The following NRXN3 variants were observed in gnomAD, a reference collection of about 807,000 sequenced individuals.
NRXN3 encodes the protein neurexin III.
NRXN3 carries 32 observed loss-of-function variants against 137.6 expected under a neutral mutation model. The ratio of observed to expected loss-of-function variants is 0.23; its 90% confidence interval spans 0.18 to 0.31. NRXN3 has a LOEUF of 0.31. Ranked by LOEUF, NRXN3 falls within the 10% of genes least tolerant of loss-of-function variation. NRXN3 has a pLI of 1.00. For synonymous variants in NRXN3, 798 were observed against 784.5 expected (o/e 1.02, Z -0.29); for missense variants, 1,574 against 2,062.5 (o/e 0.76, Z 4.59).
intron 9 of NRXN3, among the ~76,000 whole-genome samples, chr14:78,809,138 T>G (rs2098895134): frequency 6.6e-6 from 1 of 152,090 alleles, no homozygotes; most frequent in Admixed American, 6.6e-5. Flanking sequence ...ACTCAAGGAC[T>G]TCTATGTTGT....
intron 15 of NRXN3, among the ~76,000 whole-genome samples, chr14:79,061,469 C>T (rs141465669): frequency 6.6e-6 from 1 of 152,084 alleles, no homozygotes; most frequent in Admixed American, 6.5e-5. Context: ...GTGCAAAGCA[C>T]CCATGGCAAG....
At chr14:78,576,198 C>G (rs938750051) in intron 4 of NRXN3, among the ~76,000 whole-genome samples, 2 of 152,190 alleles carry the variant, frequency 1.3e-5, no homozygotes, top group African/African-American at 4.8e-5. Context: ...AAGAGCAGCT[C>G]TCATCCTGAT....
At chr14:79,352,027 A>G (rs982359056) in intron 15 of NRXN3, among the ~76,000 whole-genome samples, 17 of 152,332 alleles carry the variant, frequency 1.1e-4, no homozygotes, top group Admixed American at 1.0e-3. Flanking sequence ...AAGTGTCAAA[A>G]TGGTAGAACA....
At chr14:78,768,453 T>C (rs2098716087) in intron 8 of NRXN3, among the ~76,000 whole-genome samples, 1 of 152,300 alleles carries the variant, frequency 6.6e-6, no homozygotes, top group South Asian at 2.1e-4. Context: ...TCCTTAGTCA[T>C]GAATTATCAG....
intron 4 of NRXN3, among the ~76,000 whole-genome samples, chr14:78,364,833 C>T (rs2085665578): frequency 6.6e-6 from 1 of 152,208 alleles, no homozygotes; most frequent in South Asian, 2.1e-4. Flanking sequence ...AGTGGCCGAG[C>T]TGTTACTTCT....
chr14:78,682,934 TA>T (rs1437153911), intron 6 of NRXN3, among the ~76,000 whole-genome samples: 2 of 152,222 alleles, frequency 1.3e-5, no homozygotes, highest in Non-Finnish European at 1.5e-5. Flanking sequence ...AGCAGAAATT[TA>T]CTAGTGACTT....
chr14:79,094,087 G>A (rs1159945371), intron 15 of NRXN3, among the ~76,000 whole-genome samples: 1 of 152,054 alleles, frequency 6.6e-6, no homozygotes, highest in Admixed American at 6.6e-5. Context: ...GGTTAAATGA[G>A]GTCAGTTAGT....
chr14:79,038,914 C>G (rs926414306), intron 15 of NRXN3, among the ~76,000 whole-genome samples: 5 of 152,064 alleles, frequency 3.3e-5, no homozygotes, highest in African/African-American at 7.2e-5. Flanking sequence ...TTTATTTCAA[C>G]GAGTGGCTAA....
intron 20 of NRXN3, among the ~76,000 whole-genome samples, chr14:79,808,388 C>T (rs1390952406): frequency 6.6e-6 from 1 of 151,856 alleles, no homozygotes; most frequent in Non-Finnish European, 1.5e-5. Context: ...AAGGGACCTA[C>T]TGCCCATGCA....
chr14:78,525,844 T>A (rs1175079847), intron 4 of NRXN3, among the ~76,000 whole-genome samples: 1 of 152,206 alleles, frequency 6.6e-6, no homozygotes, highest in African/African-American at 2.4e-5. Flanking sequence ...TGACCTTAAT[T>A]TTTTAATTTC....
At chr14:79,268,191 A>AT (rs750401863) in intron 15 of NRXN3, among the ~76,000 whole-genome samples, 36 of 152,070 alleles carry the variant, frequency 2.4e-4, no homozygotes, top group East Asian at 3.9e-4. Context: ...CAGATTTGTC[A>AT]TTTTTTTTAG....
At chr14:79,171,985 G>T (rs1429646612) in intron 15 of NRXN3, among the ~76,000 whole-genome samples, 1 of 152,038 alleles carries the variant, frequency 6.6e-6, no homozygotes, top group Non-Finnish European at 1.5e-5. Flanking sequence ...TCTTGCAACA[G>T]TACTAAAATT....
intron 4 of NRXN3, among the ~76,000 whole-genome samples, chr14:78,426,874 G>A (rs186552684): frequency 6.6e-6 from 1 of 152,148 alleles, no homozygotes; most frequent in East Asian, 1.9e-4. Flanking sequence ...CATGGGAACT[G>A]AGCCTAGAGG....
intron 19 of NRXN3, among the ~76,000 whole-genome samples, chr14:79,699,767 A>G (rs559210735): frequency 2.0e-5 from 3 of 152,030 alleles, no homozygotes; most frequent in Non-Finnish European, 4.4e-5. Flanking sequence ...TCTCTCTGGC[A>G]TGTGTTTCTT....
At chr14:79,625,425 A>C (rs1350641300) in intron 16 of NRXN3, among the ~76,000 whole-genome samples, 1 of 152,206 alleles carries the variant, frequency 6.6e-6, no homozygotes. Flanking sequence ...AAGAAAGAAC[A>C]GACATCTCTA....
At chr14:79,347,039 C>T (rs138111357) in intron 15 of NRXN3, among the ~76,000 whole-genome samples, 3 of 152,156 alleles carry the variant, frequency 2.0e-5, no homozygotes, top group Admixed American at 6.5e-5. Context: ...TGAGGCATTA[C>T]GTGAGTTGGA....
chr14:78,903,714 C>T (rs2099205323), intron 10 of NRXN3, among the ~76,000 whole-genome samples: 1 of 152,020 alleles, frequency 6.6e-6, no homozygotes, highest in African/African-American at 2.4e-5. Flanking sequence ...AAACTCGTGT[C>T]ATACTTATAT....
intron 1 of NRXN3, among the ~76,000 whole-genome samples, chr14:78,171,898 T>A (rs2058759364): frequency 6.7e-6 from 1 of 150,186 alleles, no homozygotes; most frequent in Non-Finnish European, 1.5e-5. Context: ...TGTTAATACT[T>A]TTTTTTTTAA....
At chr14:78,882,920 G>T (rs780389898) in intron 10 of NRXN3, among the ~76,000 whole-genome samples, 3 of 151,668 alleles carry the variant, frequency 2.0e-5, no homozygotes, top group Non-Finnish European at 4.4e-5. Context: ...GGGACCCAGT[G>T]GGAGGTACTT....
Sources: allele counts gnomAD v4.1 joint callset (sites outside exome capture counted in the v4.1 genomes callset), GRCh38; gene constraint gnomAD v4.1.1; transcripts MANE v1.5; gene names NCBI Gene and HGNC (gene_info 2026-07-23, HGNC 2026-07-21).